CYRIA: variants seen among roughly 807,000 people sequenced by gnomAD.
CYRIA encodes the protein CYFIP-related Rac1 interactor A.
In CYRIA, 15 loss-of-function variants were observed where a neutral mutation model predicts 43.9. The observed-to-expected ratio is 0.34, with a 90% CI of 0.23 to 0.53. The LOEUF is 0.53. Among genes scored for constraint, CYRIA ranks in the 20% least tolerant of loss-of-function variants. CYRIA has a pLI of 0.94. For missense variants in CYRIA, 236 were observed against 394.2 expected (o/e 0.60, Z 3.40); for synonymous variants, 117 against 136.0 (o/e 0.86, Z 0.97).
intron 1 of CYRIA, among the ~76,000 whole-genome samples, chr2:16,632,699 A>G (rs1669365558): frequency 6.6e-6 from 1 of 152,158 alleles, no homozygotes; most frequent in Non-Finnish European, 1.5e-5. Context: ...GTCAGAGTCC[A>G]TAGGATGAGG....
At chr2:16,559,046 G>A (rs529134533) in intron 10 of CYRIA, among the ~76,000 whole-genome samples, 1 of 152,280 alleles carries the variant, frequency 6.6e-6, no homozygotes, top group East Asian at 1.9e-4. Flanking sequence ...ACAGGTAGTG[G>A]TGGGAGAGGA....
At chr2:16,630,682 A>T (rs1308392050) in intron 1 of CYRIA, among the ~76,000 whole-genome samples, 1 of 152,170 alleles carries the variant, frequency 6.6e-6, no homozygotes, top group Non-Finnish European at 1.5e-5. Context: ...TGTCAGTTAC[A>T]CCAGGTCTCC....
intron 1 of CYRIA, among the ~76,000 whole-genome samples, chr2:16,642,638 G>A (rs1434301189): frequency 6.6e-6 from 1 of 152,084 alleles, no homozygotes; most frequent in East Asian, 1.9e-4. Context: ...GACTCAGGGT[G>A]GACCCCCAGG....
chr2:16,635,478 T>C lies in CYRIA; in HGVS notation c.-166-11459A>G, dbSNP rs78540603. On this transcript the variant is annotated intron_variant, in intron 1 of 11. Coordinates refer to ENST00000381323, the MANE Select transcript of CYRIA (RefSeq NM_030797.4). Reference sequence around the variant, plus strand: ...CCCTAACATGGTACCGGGCACACCATAGGTGCTCAGTAATCATTTGCGGGA... The same window carrying C: ...CCCTAACATGGTACCGGGCACACCACAGGTGCTCAGTAATCATTTGCGGGA... 7.1e-3 allele frequency among the ~76,000 whole-genome samples: 1,083 copies of C among 152,298 alleles called. 12 individuals are homozygous for C. The highest frequency in any genetic ancestry group is 0.023 in the African/African-American group (935 of 41,550).
At chr2:16,630,295 C>T (rs1210527509) in intron 1 of CYRIA, among the ~76,000 whole-genome samples, 1 of 152,156 alleles carries the variant, frequency 6.6e-6, no homozygotes, top group Non-Finnish European at 1.5e-5. Context: ...GGGACCCCCA[C>T]CTGGGCCCTG....
In CYRIA at chr2:16,552,243, G is replaced by C. The variant is rs1205222786; in HGVS notation, c.*693C>G. The C allele has an allele frequency of 6.6e-6, 1 of 152,058 alleles. No homozygotes were observed. The highest frequency in any genetic ancestry group is 1.5e-5 in the Non-Finnish European group (1 of 68,034). The allele number at this position is 152,058 out of a possible 1,614,324, so 9.4% of individuals were successfully genotyped here. A position where few individuals can be genotyped will look rare whatever the true frequency, so the allele number is the denominator to read the frequency against. On this transcript the variant is annotated 3_prime_UTR_variant, in exon 12 of 12. Transcript: ENST00000381323. ...AGTTCCAAGACAGCCACCTTCATCAGTCCAGTGGCAACAGCACATCTATCT... is the reference window on the plus strand; with the variant it reads ...AGTTCCAAGACAGCCACCTTCATCACTCCAGTGGCAACAGCACATCTATCT...
At chr2:16,588,005 A>G in intron 3 of CYRIA, 45 bp downstream of exon 3, 1 of 1,207,396 alleles carries the variant, frequency 8.3e-7, no homozygotes, top group African/African-American at 1.5e-5. Flanking sequence ...AACAATCTAT[A>G]AGGAATGTAA....
chr2:16,625,356 C>G (rs575797566), intron 1 of CYRIA, among the ~76,000 whole-genome samples: 2 of 130,860 alleles, frequency 1.5e-5, no homozygotes, highest in Non-Finnish European at 3.1e-5. Context: ...TCTCAGACAA[C>G]AAGGGACATG....
At chr2:16,586,357 T>C (rs1490371514) in intron 3 of CYRIA, among the ~76,000 whole-genome samples, 2 of 152,138 alleles carry the variant, frequency 1.3e-5, no homozygotes, top group African/African-American at 4.8e-5. Context: ...AAAAAATTAA[T>C]AAACCATTCT....
intron 2 of CYRIA, among the ~76,000 whole-genome samples, chr2:16,609,642 C>A (rs1308316789): frequency 6.6e-6 from 1 of 152,176 alleles, no homozygotes; most frequent in Non-Finnish European, 1.5e-5. Flanking sequence ...CTCTGCTTTT[C>A]TTTTAAGTAT....
chr2:16,659,010 TTC>T (rs1238105564), intron 1 of CYRIA, among the ~76,000 whole-genome samples: 1 of 152,224 alleles, frequency 6.6e-6, no homozygotes, highest in Non-Finnish European at 1.5e-5. Flanking sequence ...AGCTCATTAT[TTC>T]TGTGTGGCAT....
In CYRIA at chr2:16,565,509, C is replaced by T. The variant is rs866587428; in HGVS notation, c.192+137G>A. On this transcript the variant is annotated intron_variant, in intron 4 of 11. Transcript: ENST00000381323. ...CCCATGCATTTTGTTTTTAAGGACACATTACCCTCCTTGTTCTTCCTGGTA... is the reference window on the plus strand; with the variant it reads ...CCCATGCATTTTGTTTTTAAGGACATATTACCCTCCTTGTTCTTCCTGGTA... 5.1e-5 allele frequency: 56 copies of T among 1,101,862 alleles called. No individual in the cohort carries two copies. The Middle Eastern group carries it at 5.4e-3, about 105-fold the overall frequency. 68.3% of individuals were successfully genotyped at this position (1,101,862 alleles called of 1,614,324 possible). A position where few individuals can be genotyped will look rare whatever the true frequency, so the allele number is the denominator to read the frequency against.
At chr2:16,607,551 C>T (rs1195557676) in intron 2 of CYRIA, among the ~76,000 whole-genome samples, 1 of 152,180 alleles carries the variant, frequency 6.6e-6, no homozygotes, top group African/African-American at 2.4e-5. Context: ...TAAGCCACAC[C>T]AGAATATGAC....
intron 2 of CYRIA, among the ~76,000 whole-genome samples, chr2:16,590,067 T>C (rs1008119671): frequency 5.6e-5 from 7 of 124,070 alleles, no homozygotes; most frequent in East Asian, 2.1e-4. Context: ...TGGGCATGCA[T>C]GCACACACAC....
In CYRIA at chr2:16,638,657, A is replaced by G. The variant is rs938381462; in HGVS notation, c.-166-14638T>C. On this transcript the variant is annotated intron_variant, in intron 1 of 11. Transcript: ENST00000381323. ...CGCACATGAGGCAGGGGCTGGGCGG[A>G]CCACAGAGGGCCTAGCAAATACTTG... 2.0e-4 allele frequency among the ~76,000 whole-genome samples: 31 copies of G among 152,294 alleles called. 1 individual carries two copies. Among genetic ancestry groups the G allele is most frequent in the Admixed American group, 1.8e-3 (27 of 15,308 alleles).
At chr2:16,573,916 T>A (rs1193220128) in intron 3 of CYRIA, among the ~76,000 whole-genome samples, 1 of 152,196 alleles carries the variant, frequency 6.6e-6, no homozygotes, top group Non-Finnish European at 1.5e-5. Context: ...ACCAGTACAG[T>A]GCAGTGCAGA....
intron 2 of CYRIA, among the ~76,000 whole-genome samples, chr2:16,621,428 A>G (rs1668991148): frequency 6.6e-6 from 1 of 152,234 alleles, no homozygotes; most frequent in South Asian, 2.1e-4. Context: ...ATTAATCTAC[A>G]GAGTCCCAGT....
At chr2:16,578,903 T>C (rs979603906) in intron 3 of CYRIA, among the ~76,000 whole-genome samples, 2 of 152,088 alleles carry the variant, frequency 1.3e-5, no homozygotes, top group African/African-American at 4.8e-5. Flanking sequence ...TATTAATTCA[T>C]AGATCCAGGA....
intron 5 of CYRIA, 79 bp downstream of exon 5, chr2:16,563,910 C>T (rs1306462863): frequency 5.1e-6 from 5 of 985,762 alleles, no homozygotes; most frequent in Non-Finnish European, 7.7e-6. Flanking sequence ...TCCAATATGC[C>T]ACGCTGTTCC....
Sources: gnomAD v4.1 joint callset for allele counts (sites outside exome capture counted in the v4.1 genomes callset) on GRCh38, gnomAD v4.1.1 for gene constraint, MANE v1.5 for transcripts, NCBI Gene and HGNC (gene_info 2026-07-23, HGNC 2026-07-21) for gene names.